Variants in WASHC5 observed in about 807,000 individuals in gnomAD.
The protein encoded by WASHC5 is WASH complex subunit strumpellin.
A neutral mutation model predicts 150.4 loss-of-function variants in WASHC5; 101 were observed. That is an observed-to-expected ratio of 0.67 (90% CI 0.57 to 0.79). The LOEUF is 0.79. WASHC5 is among the 30% of genes least tolerant of loss of function. The pLI is 0.00. For missense variants in WASHC5, 1,195 were observed against 1,396.3 expected (o/e 0.86, Z 2.30); for synonymous variants, 467 against 491.2 (o/e 0.95, Z 0.65).
intron 1 of WASHC5, among the ~76,000 whole-genome samples, chr8:125,087,249 T>C (rs1817446717): frequency 6.6e-6 from 1 of 152,218 alleles, no homozygotes; most frequent in Non-Finnish European, 1.5e-5. Context: ...CATGTAGCTA[T>C]TTCTGTATTG....
Position 125,076,480 on chromosome 8 carries a change from C to T in WASHC5, c.732G>A (p.Pro244=), listed in dbSNP as rs146320386. The change falls in exon 7 of 29, where the codon CCG becomes CCA. Residue 244 remains proline (P), a synonymous_variant. Transcript: ENST00000318410. ...TTGCCAGGGCTGTGCTGCGATGCTC[C>T]GGCAAAGGATACGCTGAGACCTGCA... ...IYNQVSAYPL[P]EHRSTALANQ... is the part of the protein sequence containing the mutation. The T allele has an allele frequency of 9.7e-4, 1,561 of 1,613,904 alleles. 2 individuals are homozygous for T. Among genetic ancestry groups the T allele is most frequent in the Non-Finnish European group, 8.6e-4 (1,020 of 1,179,958 alleles).
At chr8:125,080,820 G>A (rs552627436) in intron 5 of WASHC5, among the ~76,000 whole-genome samples, 1 of 152,312 alleles carries the variant, frequency 6.6e-6, no homozygotes, top group East Asian at 1.9e-4. Context: ...TTGTGGATAT[G>A]TGCTGTTGCT....
chr8:125,037,212 T>C, intron 26 of WASHC5, 25 bp downstream of exon 26: 1 of 1,328,904 alleles, frequency 7.5e-7, no homozygotes, highest in South Asian at 1.2e-5. Context: ...TGTTACTCAT[T>C]GCAAATAATA....
chr8:125,086,133 C>T (rs572679120), intron 1 of WASHC5, among the ~76,000 whole-genome samples: 4 of 152,158 alleles, frequency 2.6e-5, no homozygotes, highest in South Asian at 4.2e-4. Context: ...GCTGGGCTGC[C>T]GTAACAAAGC....
chr8:125,062,590 G>A (rs1216697894), intron 11 of WASHC5, among the ~76,000 whole-genome samples: 9 of 152,066 alleles, frequency 5.9e-5, no homozygotes, highest in Admixed American at 3.9e-4. Flanking sequence ...ATATCACATC[G>A]TTATACGTTG....
At chr8:125,078,135 A>G (rs1362384856) in intron 6 of WASHC5, among the ~76,000 whole-genome samples, 5 of 152,178 alleles carry the variant, frequency 3.3e-5, no homozygotes, top group African/African-American at 9.7e-5. Flanking sequence ...TGGTAATTTT[A>G]TTTGGCGTTT....
At chr8:125,076,260 A>G in intron 7 of WASHC5, 88 bp downstream of exon 7, 2 of 1,235,874 alleles carry the variant, frequency 1.6e-6, no homozygotes, top group Non-Finnish European at 2.4e-6. Context: ...TATTTACAAC[A>G]TTACAACCTG....
rs1048844776 is a variant in WASHC5, at chr8:125,024,298, G to C, written c.*319C>G. ...AATACTATTTTACTGAAAATCTGGA[G>C]TTGCACAAATAGTTCTTTAGAACAT... On this transcript the variant is annotated 3_prime_UTR_variant, in exon 29 of 29. Transcript: ENST00000318410. 4 of 377,062 alleles carry C rather than the reference G, an allele frequency of 1.1e-5. No individual in the cohort carries two copies. The highest frequency in any genetic ancestry group is 8.2e-5 in the African/African-American group (4 of 48,518). 23.4% of individuals were successfully genotyped at this position (377,062 alleles called of 1,614,324 possible).
At chr8:125,032,218 TA>T in intron 27 of WASHC5, 22 bp downstream of exon 27, 1 of 1,613,656 alleles carries the variant, frequency 6.2e-7, no homozygotes, top group African/African-American at 1.3e-5. Context: ...AAGTCCCACG[TA>T]GTCCTGGTTG....
At chr8:125,044,151 T>A (rs2130020708) in intron 21 of WASHC5, 57 bp from the exon 22 acceptor site, 1 of 1,161,290 alleles carries the variant, frequency 8.6e-7, no homozygotes, top group Non-Finnish European at 1.3e-6. Context: ...ACAAGCAAAT[T>A]CTCCAGTTAC....
chr8:125,026,635 C>G (rs1211678430), intron 28 of WASHC5, among the ~76,000 whole-genome samples: 1 of 152,042 alleles, frequency 6.6e-6, no homozygotes, highest in African/African-American at 2.4e-5. Flanking sequence ...ACTGTGTGAA[C>G]TTACATCTAT....
At chr8:125,056,139 T>A (rs754820665) in intron 16 of WASHC5, among the ~76,000 whole-genome samples, 1 of 152,206 alleles carries the variant, frequency 6.6e-6, no homozygotes, top group Non-Finnish European at 1.5e-5. Context: ...TGGACTTGTA[T>A]CAGAATGGGA....
intron 23 of WASHC5, among the ~76,000 whole-genome samples, chr8:125,042,388 C>T (rs575611829): frequency 2.0e-5 from 3 of 152,286 alleles, no homozygotes; most frequent in East Asian, 3.9e-4. Flanking sequence ...CTGTCATCAT[C>T]GAATAGCACA....
At position 125,044,096 on chromosome 8, in the gene WASHC5, T is replaced by C. The variant is rs1815979983; in HGVS notation, c.2668-2A>G. 6.3e-7 allele frequency: 1 copy of C among 1,593,016 alleles called. No homozygotes were observed. Among genetic ancestry groups the C allele is most frequent in the Non-Finnish European group, 8.6e-7 (1 of 1,161,098 alleles). ...TTTCTGAAACATACTGAGGAAATTC[T>C]AAAAACAAGAAGGCACGGTCAAAGA... On this transcript the variant is annotated splice_acceptor_variant, in intron 21 of 28. Coordinates refer to ENST00000318410, the MANE Select transcript of WASHC5 (RefSeq NM_014846.4). LOFTEE classifies it high-confidence loss of function.
At chr8:125,054,780 C>T (rs1379653290) in intron 17 of WASHC5, among the ~76,000 whole-genome samples, 2 of 150,812 alleles carry the variant, frequency 1.3e-5, no homozygotes, top group Non-Finnish European at 2.9e-5. Context: ...GATTGCACCA[C>T]TGCACTCTAG....
chr8:125,037,091 G>A (rs1486006102), intron 26 of WASHC5, 146 bp downstream of exon 26: 7 of 642,640 alleles, frequency 1.1e-5, no homozygotes, highest in Non-Finnish European at 2.0e-5. Flanking sequence ...GTATTTCAAA[G>A]GCATAAAGAC....
intron 27 of WASHC5, 38 bp from the exon 28 acceptor site, chr8:125,028,745 G>T: frequency 7.2e-7 from 1 of 1,393,920 alleles, no homozygotes; most frequent in Non-Finnish European, 1.0e-6. Context: ...TAACTGCTTT[G>T]CACATCATAA....
intron 20 of WASHC5, among the ~76,000 whole-genome samples, chr8:125,046,936 G>A (rs973219090): frequency 2.6e-5 from 4 of 152,078 alleles, no homozygotes; most frequent in African/African-American, 9.7e-5. Flanking sequence ...TAGCACTTTG[G>A]GAGGCCACTG....
chr8:125,070,891 G>A (rs1419438134), intron 9 of WASHC5, among the ~76,000 whole-genome samples: 2 of 152,216 alleles, frequency 1.3e-5, no homozygotes, highest in Admixed American at 1.3e-4. Flanking sequence ...GGATGAGGAA[G>A]TCCAACTGCT....
Sources: allele counts gnomAD v4.1 joint callset (sites outside exome capture counted in the v4.1 genomes callset), GRCh38; gene constraint gnomAD v4.1.1; transcripts MANE v1.5; gene names NCBI Gene and HGNC (gene_info 2026-07-23, HGNC 2026-07-21).